TGFBR2: variants seen among roughly 807,000 people sequenced by gnomAD.
The protein encoded by TGFBR2 is TGF-beta receptor type-2.
Under a neutral mutation model 49.0 loss-of-function variants are expected in TGFBR2, and 18 were observed. That is an observed-to-expected ratio of 0.37 (90% CI 0.25 to 0.54). The LOEUF (loss-of-function observed/expected upper bound fraction) is 0.54. Among genes scored for constraint, TGFBR2 ranks in the 20% least tolerant of loss-of-function variants. TGFBR2 has a pLI of 0.85. For synonymous variants in TGFBR2, 282 were observed against 275.9 expected, an observed-to-expected ratio of 1.02 and a Z score of -0.22; for missense variants, 525 against 722.6, an observed-to-expected ratio of 0.73 and a Z score of 3.13.
At chr3:30,678,724 T>C (rs1307017439) in intron 5 of TGFBR2, among the ~76,000 whole-genome samples, 2 of 152,102 alleles carry the variant, frequency 1.3e-5, no homozygotes, top group Admixed American at 6.5e-5. Context: ...ATTGGTAATA[T>C]GGATATAGCA....
intron 2 of TGFBR2, among the ~76,000 whole-genome samples, chr3:30,649,284 A>G (rs897430299): frequency 2.6e-5 from 4 of 152,198 alleles, no homozygotes; most frequent in African/African-American, 9.7e-5. Context: ...CCAAGATAGT[A>G]TGTTCATGAG....
chr3:30,669,471 C>T (rs147190647), intron 3 of TGFBR2, among the ~76,000 whole-genome samples: 2 of 151,998 alleles, frequency 1.3e-5, no homozygotes, highest in Admixed American at 6.6e-5. Flanking sequence ...AAAGGACGGG[C>T]CAGTGGTGAA....
At position 30,676,621 on chromosome 3, in the gene TGFBR2, C is replaced by T. The variant is rs1475083685; in HGVS notation, c.1396+2375C>T. On this transcript the variant is annotated intron_variant, in intron 5 of 6. Coordinates refer to ENST00000295754, the MANE Select transcript of TGFBR2 (RefSeq NM_003242.6). This position sits in a 1 kb window ranked among gnomAD's most constrained non-coding sequence, Gnocchi z 4.3. ...CCACAGCTTGGGTCACTGGTCCAAA[C>T]TACCCAACATTTTGCCCAAGGCAGA... 1.3e-5 allele frequency among the ~76,000 whole-genome samples: 2 copies of T among 152,196 alleles called. No homozygotes were observed. The highest frequency in any genetic ancestry group is 1.5e-5 in the Non-Finnish European group (1 of 68,038).
chr3:30,633,713 T>C (rs1032685503), intron 1 of TGFBR2, among the ~76,000 whole-genome samples: 2 of 152,178 alleles, frequency 1.3e-5, no homozygotes, highest in African/African-American at 4.8e-5. Context: ...CCAAGTCTTT[T>C]TTATTTCTTT....
At chr3:30,653,791 A>G (rs930508507) in intron 3 of TGFBR2, among the ~76,000 whole-genome samples, 16 of 152,344 alleles carry the variant, frequency 1.1e-4, no homozygotes, top group Admixed American at 2.6e-4. Flanking sequence ...GCTACTATTA[A>G]TGATAGTTAA....
Position 30,691,668 on chromosome 3 carries a change from A to G in TGFBR2, c.*69A>G, listed in dbSNP as rs976284576. ...CTCACCAAAGAACAGAGGCAGCAGG[A>G]AGCTGCCCCTGAACTGATGCTTCCT... On this transcript the variant is annotated 3_prime_UTR_variant, in exon 7 of 7. Coordinates refer to ENST00000295754, the MANE Select transcript of TGFBR2 (RefSeq NM_003242.6). The G allele has an allele frequency of 3.2e-6, 5 of 1,578,842 alleles. No homozygotes were observed. In the Admixed American group the frequency reaches 6.7e-5, roughly 21 times the overall value.
intron 6 of TGFBR2, among the ~76,000 whole-genome samples, chr3:30,689,830 A>G (rs993789307): frequency 3.9e-5 from 6 of 152,250 alleles, no homozygotes; most frequent in Admixed American, 6.5e-5. Context: ...AAGAATTTGC[A>G]TAATACATTT....
In TGFBR2 at chr3:30,692,361, GAAACTCT is replaced by G. The variant is rs1699726187; in HGVS notation, c.*764_*770del. On this transcript the variant is annotated 3_prime_UTR_variant, in exon 7 of 7. Coordinates refer to ENST00000295754, the MANE Select transcript of TGFBR2 (RefSeq NM_003242.6). ...AGAAACTCTCCCTCAACCTAGTTTA[GAAACTCT>G]ACCCCATCTTTAATACCTTGAATGT... The G allele has an allele frequency of 4.3e-6, 1 of 230,486 alleles. No homozygotes were observed. 14.3% of individuals were successfully genotyped at this position (230,486 alleles called of 1,614,324 possible).
chr3:30,621,699 T>C (rs909991373), intron 1 of TGFBR2, among the ~76,000 whole-genome samples: 4 of 152,246 alleles, frequency 2.6e-5, no homozygotes, highest in Non-Finnish European at 5.9e-5. Flanking sequence ...AAAGCACTTA[T>C]CTTTCAAGAT....
chr3:30,682,986 T>C (rs1177478265), intron 5 of TGFBR2, among the ~76,000 whole-genome samples: 1 of 152,174 alleles, frequency 6.6e-6, no homozygotes, highest in African/African-American at 2.4e-5. Flanking sequence ...TGAGCAAGCA[T>C]GAAAGCTTCC....
intron 3 of TGFBR2, among the ~76,000 whole-genome samples, chr3:30,670,792 C>A (rs2125432310): frequency 6.6e-6 from 1 of 152,354 alleles, no homozygotes; most frequent in East Asian, 1.9e-4. Context: ...ACTTGTTTTA[C>A]CTTTGCGGCC....
rs747104789 is a variant in TGFBR2 at position 30,671,633 on chromosome 3, A to G, written c.455-5A>G. 5.6e-6 allele frequency: 9 copies of G among 1,614,190 alleles called. No homozygotes were observed. Among genetic ancestry groups the G allele is most frequent in the Non-Finnish European group, 6.8e-6 (8 of 1,180,016 alleles). ...CCTTCTCTCCTTGTTTTGTTTCCCC[A>G]TCAGAATATAACACCAGCAATCCTG... On this transcript the variant is annotated splice_region_variant and splice_polypyrimidine_tract_variant and intron_variant, in intron 3 of 6. Coordinates refer to ENST00000295754, the MANE Select transcript of TGFBR2 (RefSeq NM_003242.6).
intron 5 of TGFBR2, among the ~76,000 whole-genome samples, chr3:30,683,097 T>C (rs1300935873): frequency 6.6e-6 from 1 of 152,242 alleles, no homozygotes; most frequent in Non-Finnish European, 1.5e-5. Flanking sequence ...CTCAGTTTTC[T>C]CAACTGTAAA....
chr3:30,607,074 C>G lies in TGFBR2; in HGVS notation c.94+97C>G, dbSNP rs1264181148. 4 of 1,074,828 alleles carry G rather than the reference C, an allele frequency of 3.7e-6. No homozygotes were observed. The South Asian group carries it at 5.8e-5, about 16-fold the overall frequency. 66.6% of individuals were successfully genotyped at this position (1,074,828 alleles called of 1,614,324 possible). On this transcript the variant is annotated intron_variant, in intron 1 of 6. Coordinates refer to ENST00000295754, the MANE Select transcript of TGFBR2 (RefSeq NM_003242.6). ...TTGACAGTCGGGCCCGGCAACCCGG[C>G]CCCCGGGCGGAAACGAGGAAAGTTT...
In TGFBR2 at chr3:30,606,898, G is replaced by A. The variant is rs1697932603; in HGVS notation, c.15G>A (p.Leu5=). ...CGGGGTCTGCCATGGGTCGGGGGCT[G>A]CTCAGGGGCCTGTGGCCGCTGCACA... MGRG[L]LRGLWPLHIV... The change falls in exon 1 of 7, where the codon CTG becomes CTA. Residue 5 remains leucine, a synonymous_variant. Transcript: ENST00000295754. 2.5e-6 allele frequency: 4 copies of A among 1,586,680 alleles called. No individual in the cohort carries two copies. Among genetic ancestry groups the A allele is most frequent in the Non-Finnish European group, 2.6e-6 (3 of 1,165,554 alleles).
chr3:30,668,453 T>C lies in TGFBR2; in HGVS notation c.455-3185T>C, dbSNP rs114090114. On this transcript the variant is annotated intron_variant, in intron 3 of 6. Transcript: ENST00000295754. The stretch of plus-strand genomic sequence containing the variant: ...TTTCAGGCAGGGAGCATTGTGGAAG[T>C]GGTAAGCCTAAGTGGAAATGCCGAC... 7.2e-3 allele frequency among the ~76,000 whole-genome samples: 1,092 copies of C among 152,324 alleles called. 13 individuals carry two copies. The highest frequency in any genetic ancestry group is 0.025 in the African/African-American group (1,030 of 41,560).
chr3:30,623,457 A>T (rs1343443986), intron 1 of TGFBR2, among the ~76,000 whole-genome samples: 1 of 152,232 alleles, frequency 6.6e-6, no homozygotes, highest in East Asian at 1.9e-4. Flanking sequence ...CTTGCCTCGA[A>T]CATTAAAAGC....
At position 30,623,276 on chromosome 3, in the gene TGFBR2, A is replaced by G. The variant is rs184395862; in HGVS notation, c.94+16299A>G. On this transcript the variant is annotated intron_variant, in intron 1 of 6. Coordinates refer to ENST00000295754, the MANE Select transcript of TGFBR2 (RefSeq NM_003242.6). ...GACTGCCCATCCACTGAGACATAGT[A>G]AAGTATCATTAATTAATCTTTTCAT... The G allele has an allele frequency of 7.4e-6, 12 of 1,613,944 alleles. No individual in the cohort carries two copies. In the East Asian group the frequency reaches 1.8e-4, roughly 24 times the overall value.
intron 2 of TGFBR2, among the ~76,000 whole-genome samples, chr3:30,648,460 A>ACACACCCACC (rs1553627538): frequency 9.8e-5 from 14 of 142,484 alleles, no homozygotes; most frequent in Non-Finnish European, 1.8e-4. Flanking sequence ...ACACACACAC[A>ACACACCCACC]CAAAACTGTG....
Sources: allele counts gnomAD v4.1 joint callset (sites outside exome capture counted in the v4.1 genomes callset), GRCh38; gene constraint gnomAD v4.1.1; non-coding constraint Gnocchi (gnomAD v3.1); transcripts MANE v1.5; gene names NCBI Gene and HGNC (gene_info 2026-07-23, HGNC 2026-07-21).